Variants in SMARCA4 observed in about 807,000 individuals in gnomAD.
The protein encoded by SMARCA4 is SWI/SNF related BAF chromatin remodeling complex subunit ATPase 4.
Under a neutral mutation model 193.9 loss-of-function variants are expected in SMARCA4, and 31 were observed. The observed-to-expected ratio is 0.16, with a 90% CI of 0.12 to 0.22. The LOEUF (loss-of-function observed/expected upper bound fraction) is 0.22. SMARCA4 is among the 10% of genes least tolerant of loss of function. The pLI is 1.00. For synonymous variants in SMARCA4, 942 were observed against 933.1 expected (o/e 1.01, Z -0.17); for missense variants, 1,148 against 2,296.0 (o/e 0.50, Z 10.22).
At chr19:11,009,833 C>T (rs1322695995) in intron 14 of SMARCA4, among the ~76,000 whole-genome samples, 3 of 151,980 alleles carry the variant, frequency 2.0e-5, no homozygotes, top group Non-Finnish European at 2.9e-5. Context: ...GGACTACAGG[C>T]GCCTGCCACC....
intron 1 of SMARCA4, among the ~76,000 whole-genome samples, chr19:10,962,738 TTACC>T (rs2083905549): frequency 6.6e-6 from 1 of 152,128 alleles, no homozygotes; most frequent in African/African-American, 2.4e-5. Context: ...ATATGGGGTT[TTACC>T]ATGTTGGCCA....
At chr19:11,009,755 C>T (rs1367759993) in intron 14 of SMARCA4, among the ~76,000 whole-genome samples, 1 of 147,418 alleles carries the variant, frequency 6.8e-6, no homozygotes, top group Non-Finnish European at 1.5e-5. Context: ...GTGGCACGAT[C>T]TCGGCTCTCT....
At position 10,986,884 on chromosome 19, in the gene SMARCA4, T is replaced by C. The variant is rs1221488419; in HGVS notation, c.761-21T>C. ...AAACCTGGGACGCACTGTTTTCTCT[T>C]TTGTTTCTCCCTACATGTAGGTATG... On this transcript the variant is annotated intron_variant, in intron 4 of 34. Transcript: ENST00000344626. The surrounding 1 kb of genome is among the most constrained non-coding windows in gnomAD (Gnocchi z 6.7). The C allele has an allele frequency of 1.3e-6, 2 of 1,591,860 alleles. No homozygotes were observed. Among genetic ancestry groups the C allele is most frequent in the Non-Finnish European group, 1.7e-6 (2 of 1,160,454 alleles).
At chr19:11,048,632 C>T (rs1026001357) in intron 30 of SMARCA4, among the ~76,000 whole-genome samples, 2 of 152,186 alleles carry the variant, frequency 1.3e-5, no homozygotes, top group Non-Finnish European at 2.9e-5. Context: ...GTCTAGGTGG[C>T]GACACCTGAG....
chr19:10,995,195 A>G (rs1421671621), intron 9 of SMARCA4, 194 bp downstream of exon 9: 1 of 692,272 alleles, frequency 1.4e-6, no homozygotes, highest in Non-Finnish European at 2.6e-6. Flanking sequence ...TGATCATCAG[A>G]ATGACTGTGT....
chr19:11,008,738 C>T (rs1286052860), intron 14 of SMARCA4, among the ~76,000 whole-genome samples: 2 of 152,048 alleles, frequency 1.3e-5, no homozygotes, highest in African/African-American at 4.8e-5. Context: ...CTTTGGGAGG[C>T]CAAGGCAGGT....
chr19:11,036,610 A>C (rs2075285187), intron 29 of SMARCA4, among the ~76,000 whole-genome samples: 1 of 152,176 alleles, frequency 6.6e-6, no homozygotes, highest in Admixed American at 6.5e-5. Context: ...AGATCAGTTC[A>C]TACGTGGCTG....
Position 10,986,805 on chromosome 19 carries a change from G to A in SMARCA4, c.761-100G>A, listed in dbSNP as rs1477601681. On this transcript the variant is annotated intron_variant, in intron 4 of 34. Coordinates refer to ENST00000344626, the MANE Select transcript of SMARCA4 (RefSeq NM_003072.5). This position sits in a 1 kb window ranked among gnomAD's most constrained non-coding sequence, Gnocchi z 6.7. ...CCCCTGGGGCCGCTGGTTAATAGGT[G>A]TATCTGCTGTGTCCCCTGGAGCCAG... is the stretch of plus-strand genomic sequence containing the variant. 1.6e-6 allele frequency: 2 copies of A among 1,248,082 alleles called. No homozygotes were observed. Among genetic ancestry groups the A allele is most frequent in the South Asian group, 1.2e-5 (1 of 83,062 alleles). The allele number at this position is 1,248,082 out of a possible 1,614,324, so 77.3% of individuals were successfully genotyped here. A position where few individuals can be genotyped will look rare whatever the true frequency, so the allele number is the denominator to read the frequency against.
At chr19:11,054,181 T>C (rs1477951387) in intron 30 of SMARCA4, among the ~76,000 whole-genome samples, 1 of 152,228 alleles carries the variant, frequency 6.6e-6, no homozygotes, top group Non-Finnish European at 1.5e-5. Context: ...CTAGAGTATC[T>C]TCTCCCAGAT....
At chr19:11,013,238 G>A (rs905193314) in intron 16 of SMARCA4, 126 bp downstream of exon 16, 39 of 1,066,618 alleles carry the variant, frequency 3.7e-5, no homozygotes, top group Non-Finnish European at 5.2e-5. Flanking sequence ...TTTCCTGGAG[G>A]CCAGAAGTCC....
At chr19:10,968,448 C>T (rs375548363) in intron 1 of SMARCA4, among the ~76,000 whole-genome samples, 5 of 152,024 alleles carry the variant, frequency 3.3e-5, no homozygotes, top group African/African-American at 4.8e-5. Flanking sequence ...TAGAGTAGCA[C>T]GGGCCCCGTT....
At chr19:11,036,460 T>C (rs2075275872) in intron 29 of SMARCA4, among the ~76,000 whole-genome samples, 1 of 152,100 alleles carries the variant, frequency 6.6e-6, no homozygotes, top group Non-Finnish European at 1.5e-5. Flanking sequence ...GGTCTCACTG[T>C]GTCACTCAGG....
chr19:11,009,081 G>A (rs2088554974), intron 14 of SMARCA4, among the ~76,000 whole-genome samples: 1 of 122,814 alleles, frequency 8.1e-6, no homozygotes, highest in Non-Finnish European at 1.6e-5. Flanking sequence ...GAGTACAGTG[G>A]TGCGATCTTG....
chr19:10,991,468 C>T, intron 8 of SMARCA4, 145 bp downstream of exon 8: 11 of 1,331,590 alleles, frequency 8.3e-6, no homozygotes, highest in South Asian at 1.3e-5. Context: ...ATTCTAGGTA[C>T]TGAGAGTGTA....
chr19:11,021,608 C>G, intron 18 of SMARCA4, 117 bp from the exon 19 acceptor site: 2 of 1,318,270 alleles, frequency 1.5e-6, no homozygotes, highest in Non-Finnish European at 2.1e-6. Context: ...GCTCTCCACC[C>G]AGCTGCGCTC....
At position 11,019,201 on chromosome 19, in the gene SMARCA4, G is replaced by A. The variant is rs1293697621; in HGVS notation, c.2505+178G>A. Reference sequence around the variant, plus strand: ...GGATCCGGGAGTTTGGACTGGGCAGGGACAGGGCAGATTAGCTCACTGGGG... The same window carrying A: ...GGATCCGGGAGTTTGGACTGGGCAGAGACAGGGCAGATTAGCTCACTGGGG... On this transcript the variant is annotated intron_variant, in intron 17 of 34. Coordinates refer to ENST00000344626, the MANE Select transcript of SMARCA4 (RefSeq NM_003072.5). The surrounding 1 kb of genome is among the most constrained non-coding windows in gnomAD (Gnocchi z 6.1). The A allele has an allele frequency of 1.4e-6, 1 of 690,230 alleles. No individual in the cohort carries two copies. Among genetic ancestry groups the A allele is most frequent in the Non-Finnish European group, 2.6e-6 (1 of 378,168 alleles). 42.8% of individuals were successfully genotyped at this position (690,230 alleles called of 1,614,324 possible).
At chr19:10,967,858 A>AT (rs199595657) in intron 1 of SMARCA4, among the ~76,000 whole-genome samples, 9,083 of 147,216 alleles carry the variant, frequency 0.062, 332 homozygotes, top group South Asian at 0.11. Context: ...CTAATTTTGT[A>AT]TTTTTTTTTA....
At position 11,023,580 on chromosome 19, in the gene SMARCA4, C is replaced by T. The variant is rs754968214; in HGVS notation, c.2922C>T (p.Pro974=). Residue 974 remains proline (P), a synonymous_variant, in exon 20 of 35, where the codon CCC becomes CCT. Coordinates refer to ENST00000344626, the MANE Select transcript of SMARCA4 (RefSeq NM_003072.5). ...GGCGTCTCCACAAAGTGCTGCGGCC[C>T]TTCTTGCTCCGACGACTCAAGAAGG... ...IIRRLHKVLR[P]FLLRRLKKEV... The T allele has an allele frequency of 2.5e-6, 4 of 1,613,300 alleles. No individual in the cohort carries two copies. In the South Asian group the frequency reaches 3.3e-5, roughly 13 times the overall value.
Position 10,984,498 on chromosome 19 carries a change from G to A in SMARCA4, c.222+125G>A. 6.6e-7 allele frequency: 1 copy of A among 1,511,300 alleles called. No individual in the cohort carries two copies. The highest frequency in any genetic ancestry group is 2.5e-5 in the East Asian group (1 of 40,726). The allele number at this position is 1,511,300 out of a possible 1,614,324, so 93.6% of individuals were successfully genotyped here. A position where few individuals can be genotyped will look rare whatever the true frequency, so the allele number is the denominator to read the frequency against. On this transcript the variant is annotated intron_variant, in intron 2 of 34. Transcript: ENST00000344626. This position sits in a 1 kb window ranked among gnomAD's most constrained non-coding sequence, Gnocchi z 4.3. ...CTTCTTGTTGGAGGTGTCCTGCCTT[G>A]GCTCAGCCCCCTACCCCAGGGCCCA...
Sources: allele counts gnomAD v4.1 joint callset (sites outside exome capture counted in the v4.1 genomes callset), GRCh38; gene constraint gnomAD v4.1.1; non-coding constraint Gnocchi (gnomAD v3.1); transcripts MANE v1.5; gene names NCBI Gene and HGNC (gene_info 2026-07-23, HGNC 2026-07-21).